Variants in WDR90 observed in about 807,000 individuals in gnomAD.
WDR90 encodes WD repeat-containing protein 90.
In WDR90, 238 loss-of-function variants were observed where a neutral mutation model predicts 195.2. The ratio of observed to expected loss-of-function variants is 1.22; its 90% CI spans 1.10 to 1.36. The LOEUF (loss-of-function observed/expected upper bound fraction) is 1.36, where lower values mean the gene tolerates loss of function less well. WDR90 is among the 40% of genes most tolerant of loss of function. WDR90 has a pLI of 0.00. For synonymous variants in WDR90, 1,265 were observed against 1,052.4 expected (o/e 1.20, Z -3.91); for missense variants, 2,734 against 2,439.5 (o/e 1.12, Z -2.54).
In WDR90 at chr16:650,541, C is replaced by G. The variant is rs2037623197; in HGVS notation, c.391C>G (p.Leu131Val). 1.2e-6 allele frequency: 2 copies of G among 1,603,900 alleles called. No homozygotes were observed. Among genetic ancestry groups the G allele is most frequent in the South Asian group, 2.2e-5 (2 of 90,858 alleles). Residue 131 changes from leucine to valine, a missense_variant and splice_region_variant, in exon 5 of 41, where the codon CTG becomes GTG. Leu to Val is a conservative substitution (Grantham distance 32, BLOSUM62 1). Coordinates refer to ENST00000293879, the MANE Select transcript of WDR90 (RefSeq NM_145294.5). Reference sequence around the variant, plus strand: ...GACCCTGAGTGCCCATCCTGCAGATCTGGTGGGTTTGGCCCCCTCCGGAGC... The same window carrying G: ...GACCCTGAGTGCCCATCCTGCAGATGTGGTGGGTTTGGCCCCCTCCGGAGC... ...VLEARTPQRD[L>V]VGLAPSGARW...
Position 656,295 on chromosome 16 carries a change from C to T in WDR90, c.1967-7C>T. The T allele has an allele frequency of 6.2e-7, 1 of 1,601,848 alleles. No individual in the cohort carries two copies. The highest frequency in any genetic ancestry group is 8.5e-7 in the Non-Finnish European group (1 of 1,174,910). On this transcript the variant is annotated splice_region_variant and splice_polypyrimidine_tract_variant and intron_variant, in intron 17 of 40. Transcript: ENST00000293879. ...CCTGGAGGCCCCTGACCCCACCCCA[C>T]CCACAGAGCACGAGGGCCCCGTCAG...
rs536974079 is a variant in WDR90 at position 653,532 on chromosome 16, C to T, written c.1241C>T (p.Ala414Val). The T allele has an allele frequency of 6.2e-7, 1 of 1,613,308 alleles. No individual in the cohort carries two copies. Among genetic ancestry groups the T allele is most frequent in the Non-Finnish European group, 8.5e-7 (1 of 1,179,816 alleles). ...CACCCTTCTGCCTCCTAGGTCTCCG[C>T]CCTGGCGCTGGATGGCAGCAGCTCA... Reference protein sequence around the residue: ...FFLGHTDKVSALALDGSSSLL... With the variant: ...FFLGHTDKVSVLALDGSSSLL... The change falls in exon 12 of 41, where the codon GCC (alanine) becomes GTC (valine). Residue 414 changes from alanine (A) to valine (V), a missense_variant. Coordinates refer to ENST00000293879, the MANE Select transcript of WDR90 (RefSeq NM_145294.5).
rs567863519 is a variant in WDR90 at position 658,824 on chromosome 16, C to T, written c.2896-72C>T. Reference sequence around the variant, plus strand: ...CCTCACACTGTGTGGGGCTCACCGTCCCTGGGGACTGGGCACACGGCAGCA... The same window carrying T: ...CCTCACACTGTGTGGGGCTCACCGTTCCTGGGGACTGGGCACACGGCAGCA... On this transcript the variant is annotated intron_variant, in intron 23 of 40. Transcript: ENST00000293879. The T allele has an allele frequency of 2.0e-5, 31 of 1,588,112 alleles. No individual in the cohort carries two copies. In the African/African-American group the frequency reaches 3.1e-4, roughly 16 times the overall value.
Position 661,068 on chromosome 16 carries a change from T to C in WDR90, c.3409T>C (p.Cys1137Arg). Reference protein sequence around the residue: ...RPDTGFFAYTCGRLVVVEDLH... With the variant: ...RPDTGFFAYTRGRLVVVEDLH... The stretch of plus-strand genomic sequence containing the variant: ...GCGCACAGGCTTCTTTGCCTACACG[T>C]GCGGCCGCCTGGTGGTGGTGGAGGA... The change falls in exon 29 of 41, where the codon TGC (cysteine) becomes CGC (arginine). Residue 1137 changes from cysteine (C) to arginine (R), a missense_variant. Cys to Arg is a radical substitution (Grantham distance 180, BLOSUM62 -3). Transcript: ENST00000293879. 2 of 1,316,194 alleles carry C rather than the reference T, an allele frequency of 1.5e-6. No individual in the cohort carries two copies. The highest frequency in any genetic ancestry group is 1.9e-6 in the Non-Finnish European group (2 of 1,037,278). 81.5% of individuals were successfully genotyped at this position (1,316,194 alleles called of 1,614,324 possible).
In WDR90 at chr16:653,758, CG is replaced by C; in HGVS notation, c.1396del (p.Ala466ProfsTer80). On this transcript the variant is annotated frameshift_variant, in exon 13 of 41. Coordinates refer to ENST00000293879, the MANE Select transcript of WDR90 (RefSeq NM_145294.5). LOFTEE classifies it high-confidence loss of function. ...TCCCTGTTCACAGCTTCTCTGACAG[CG>C]GGGCCCTTCTCTGCGGGGTTGGCAA... ...VVCSLSFSDS[G>X]ALLCGVGKDH... 6.2e-7 allele frequency: 1 copy of C among 1,613,256 alleles called. No individual in the cohort carries two copies. The highest frequency in any genetic ancestry group is 8.5e-7 in the Non-Finnish European group (1 of 1,179,996).
intron 17 of WDR90, 44 bp downstream of exon 17, chr16:655,933 C>A: frequency 1.3e-6 from 2 of 1,547,812 alleles, no homozygotes; most frequent in African/African-American, 1.4e-5. Flanking sequence ...AGAGCCTCGC[C>A]TGGATGCTGG....
At position 653,803 on chromosome 16, in the gene WDR90, G is replaced by A. The variant is rs757489630; in HGVS notation, c.1437G>A (p.Thr479=). 15 of 1,613,008 alleles carry A rather than the reference G, an allele frequency of 9.3e-6. No homozygotes were observed. Among genetic ancestry groups the A allele is most frequent in the East Asian group, 6.7e-5 (3 of 44,892 alleles). The change falls in exon 13 of 41, where the codon ACG becomes ACA. Residue 479 remains threonine (T), a splice_region_variant and synonymous_variant. Coordinates refer to ENST00000293879, the MANE Select transcript of WDR90 (RefSeq NM_145294.5). The part of the protein sequence containing the change: ...CGVGKDHHGR[T]MVVAWGTGQV... ...TTGGCAAGGACCACCACGGGAGGAC[G>A]GTAACAGGGCCCTGGCTGCGGGTTG... is the stretch of plus-strand genomic sequence containing the variant.
Position 666,489 on chromosome 16 carries a change from G to A in WDR90, c.4775G>A (p.Trp1592Ter). 6.2e-7 allele frequency: 1 copy of A among 1,612,716 alleles called. No homozygotes were observed. The highest frequency in any genetic ancestry group is 8.5e-7 in the Non-Finnish European group (1 of 1,179,958). ...TTAGGGGTGGAGGGCACAGACCTAT[G>A]GCTGGCTGCCAGTGGGGACCAGCGG... Reference protein sequence around the residue: ...EDLGVEGTDLWLAASGDQRVS... With the variant: ...EDLGVEGTDL The change falls in exon 38 of 41, where the codon TGG (tryptophan) becomes TAG (stop). Residue 1592 changes from tryptophan (W) to a stop codon, truncating the protein, a stop_gained. Transcript: ENST00000293879. LOFTEE classifies it high-confidence loss of function.
At position 666,757 on chromosome 16, in the gene WDR90, A is replaced by G. The variant is rs1268195729; in HGVS notation, c.4969A>G (p.Lys1657Glu). Residue 1657 changes from lysine to glutamate, a missense_variant, in exon 39 of 41, where the codon AAG (lysine) becomes GAG (glutamate). Transcript: ENST00000293879. ...LLMYVGPGVY[K>E]EVIIYNLCQK... ...GATGTACGTGGGCCCCGGTGTTTAC[A>G]AGGAGGTGATCATCTACAACCTCTG... The G allele has an allele frequency of 1.2e-6, 2 of 1,612,612 alleles. No individual in the cohort carries two copies. The highest frequency in any genetic ancestry group is 1.3e-5 in the African/African-American group (1 of 74,874).
intron 33 of WDR90, 161 bp from the exon 34 acceptor site, chr16:662,518 A>G (rs1305119519): frequency 2.5e-6 from 3 of 1,211,482 alleles, no homozygotes; most frequent in Admixed American, 2.6e-5. Context: ...GCATGGGCCC[A>G]GAAGCCCCAG....
Position 662,248 on chromosome 16 carries a change from G to A in WDR90, c.4062G>A (p.Leu1354=). The change falls in exon 33 of 41, where the codon TTG becomes TTA. Residue 1354 remains leucine (L), a synonymous_variant. Coordinates refer to ENST00000293879, the MANE Select transcript of WDR90 (RefSeq NM_145294.5). ...TGTTGCTGTTCTCGGGTTCTCGATT[G>A]GTCAGCGGCAGCAGCACGGGGCGGC... is the stretch of plus-strand genomic sequence containing the variant. ...IGLLLFSGSR[L]VSGSSTGRLR... The A allele has an allele frequency of 6.3e-7, 1 of 1,582,006 alleles. No individual in the cohort carries two copies. Among genetic ancestry groups the A allele is most frequent in the Admixed American group, 1.8e-5 (1 of 55,372 alleles).
At chr16:665,086 C>T (rs1440483118) in intron 34 of WDR90, 1 of 168,830 alleles carries the variant, frequency 5.9e-6, no homozygotes, top group African/African-American at 2.4e-5. Context: ...GCAGCTGTGT[C>T]TCCTTTCTGC....
In WDR90 at chr16:667,663, C is replaced by T. The variant is rs570586362; in HGVS notation, c.*74C>T. ...CACCTGGACACAGGCTTGGCAGAGGCGCCAGGTTGTCAATGGCCTCATGCT... is the reference window on the plus strand; with the variant it reads ...CACCTGGACACAGGCTTGGCAGAGGTGCCAGGTTGTCAATGGCCTCATGCT... On this transcript the variant is annotated 3_prime_UTR_variant, in exon 41 of 41. Coordinates refer to ENST00000293879, the MANE Select transcript of WDR90 (RefSeq NM_145294.5). 3.8e-5 allele frequency: 60 copies of T among 1,583,390 alleles called. No individual in the cohort carries two copies. Among genetic ancestry groups the T allele is most frequent in the Non-Finnish European group, 4.8e-5 (56 of 1,171,256 alleles).
In WDR90 at chr16:653,823, G is replaced by C; in HGVS notation, c.1437+20G>C. ...AGGACGGTAACAGGGCCCTGGCTGCGGGTTGGGGTGGGGCTGTCCTGATGC... is the reference window on the plus strand; with the variant it reads ...AGGACGGTAACAGGGCCCTGGCTGCCGGTTGGGGTGGGGCTGTCCTGATGC... On this transcript the variant is annotated intron_variant, in intron 13 of 40. Coordinates refer to ENST00000293879, the MANE Select transcript of WDR90 (RefSeq NM_145294.5). 1.9e-6 allele frequency: 3 copies of C among 1,612,648 alleles called. No individual in the cohort carries two copies. The highest frequency in any genetic ancestry group is 2.5e-6 in the Non-Finnish European group (3 of 1,179,792).
intron 26 of WDR90, 120 bp downstream of exon 26, chr16:659,496 C>A (rs1411532436): frequency 1.5e-6 from 2 of 1,358,244 alleles, no homozygotes; most frequent in East Asian, 2.5e-5. Flanking sequence ...CGCTGCTCAT[C>A]AGGTGGAACA....
rs755155529 is a variant in WDR90 at position 661,788 on chromosome 16, G to A, written c.3864+1G>A. 34 of 1,595,492 alleles carry A rather than the reference G, an allele frequency of 2.1e-5. No homozygotes were observed. The highest frequency in any genetic ancestry group is 2.7e-5 in the Non-Finnish European group (32 of 1,169,200). On this transcript the variant is annotated splice_donor_variant, in intron 31 of 40. Coordinates refer to ENST00000293879, the MANE Select transcript of WDR90 (RefSeq NM_145294.5). LOFTEE classifies it high-confidence loss of function. The stretch of plus-strand genomic sequence containing the variant: ...GCGTGGGGCAGACATCAGCCTTCAG[G>A]TGCCACCCGTTCAGCGTTTGGGCCC...
Position 651,754 on chromosome 16 carries a change from AC to A in WDR90, c.840+12del. 1 of 1,612,756 alleles carries A rather than the reference AC, an allele frequency of 6.2e-7. No homozygotes were observed. The highest frequency in any genetic ancestry group is 8.5e-7 in the Non-Finnish European group (1 of 1,179,926). Reference sequence around the variant, plus strand: ...GACGCCCAGCCCCACAGCCGTGAGTACCCCCTTCGCCCTATGAGATGGGGTT... The same window carrying A: ...GACGCCCAGCCCCACAGCCGTGAGTACCCCTTCGCCCTATGAGATGGGGTT... On this transcript the variant is annotated splice_region_variant and intron_variant, in intron 8 of 40. Coordinates refer to ENST00000293879, the MANE Select transcript of WDR90 (RefSeq NM_145294.5).
Position 654,826 on chromosome 16 carries a change from T to C in WDR90, c.1438-203T>C. The C allele has an allele frequency of 6.8e-6, 4 of 591,990 alleles. No individual in the cohort carries two copies. In the South Asian group the frequency reaches 8.1e-5, roughly 12 times the overall value. The allele number at this position is 591,990 out of a possible 1,614,324, so 36.7% of individuals were successfully genotyped here. ...TGCGAATGGGTTGCAGTGCTCAGCATTGCGGGTCTCTGTAGAAGTCCCAAA... is the reference window on the plus strand; with the variant it reads ...TGCGAATGGGTTGCAGTGCTCAGCACTGCGGGTCTCTGTAGAAGTCCCAAA... On this transcript the variant is annotated intron_variant, in intron 13 of 40. Coordinates refer to ENST00000293879, the MANE Select transcript of WDR90 (RefSeq NM_145294.5).
intron 1 of WDR90, 75 bp from the exon 2 acceptor site, chr16:649,688 A>AGGCCC: frequency 7.2e-7 from 1 of 1,390,588 alleles, no homozygotes; most frequent in East Asian, 2.9e-5. Flanking sequence ...CTGGTCCCCG[A>AGGCCC]GGCCCGGCCC....
Sources: gnomAD v4.1 joint callset for allele counts on GRCh38, gnomAD v4.1.1 for gene constraint, MANE v1.5 for transcripts, NCBI Gene and HGNC (gene_info 2026-07-23, HGNC 2026-07-21) for gene names.